Variants in PCCA observed in about 807,000 individuals in gnomAD.
The protein encoded by PCCA is propionyl-CoA carboxylase alpha chain, mitochondrial.
Under a neutral mutation model 101.3 loss-of-function variants are expected in PCCA, and 74 were observed. The observed-to-expected ratio is 0.73, with a 90% CI of 0.61 to 0.89. The LOEUF (loss-of-function observed/expected upper bound fraction) is 0.89. Among genes scored for constraint, PCCA ranks in the 40% least tolerant of loss-of-function variants. The pLI, the probability that PCCA is intolerant of heterozygous loss-of-function variation, is 0.00. For missense variants in PCCA, 891 were observed against 907.0 expected, an observed-to-expected ratio of 0.98 and a Z score of 0.23; for synonymous variants, 294 against 313.6, an observed-to-expected ratio of 0.94 and a Z score of 0.66.
intron 18 of PCCA, among the ~76,000 whole-genome samples, chr13:100,356,967 A>C (rs2074020486): frequency 6.6e-6 from 1 of 152,244 alleles, no homozygotes; most frequent in African/African-American, 2.4e-5. Context: ...ATTCAGTCAA[A>C]GTAGATCACA....
At chr13:100,130,368 C>G (rs2050381433) in intron 4 of PCCA, among the ~76,000 whole-genome samples, 1 of 152,182 alleles carries the variant, frequency 6.6e-6, no homozygotes, top group African/African-American at 2.4e-5. Context: ...CTGGAGATGG[C>G]AGTGGTGGAT....
rs542209380 is a variant in PCCA at position 100,414,449 on chromosome 13, C to T, written c.1747-11184C>T. Among the ~76,000 whole-genome samples the T allele has an allele frequency of 3.2e-4, 49 of 152,238 alleles. 1 individual carries two copies. Among genetic ancestry groups the T allele is most frequent in the South Asian group, 1.5e-3 (7 of 4,818 alleles). ...TTTTGTGTTATGTTAAGGTTTAAAA[C>T]TGTGTTACAGTTTATACTAAAACAT... On this transcript the variant is annotated intron_variant, in intron 19 of 23. Coordinates refer to ENST00000376285, the MANE Select transcript of PCCA (RefSeq NM_000282.4).
rs546216993 is a variant in PCCA at position 100,128,610 on chromosome 13, G to A, written c.300+16549G>A. Among the ~76,000 whole-genome samples the A allele has an allele frequency of 2.1e-4, 32 of 152,232 alleles. No homozygotes were observed. The South Asian group carries it at 3.7e-3, about 18-fold the overall frequency. ...CAGCTAGGCAGACAAGACCGCGTGCGCAAAGGCTCTGAGTCACCCCAGTCT... is the reference window on the plus strand; with the variant it reads ...CAGCTAGGCAGACAAGACCGCGTGCACAAAGGCTCTGAGTCACCCCAGTCT... On this transcript the variant is annotated intron_variant, in intron 4 of 23. Transcript: ENST00000376285.
At chr13:100,416,371 A>C (rs1394186709) in intron 19 of PCCA, among the ~76,000 whole-genome samples, 5 of 151,726 alleles carry the variant, frequency 3.3e-5, no homozygotes, top group African/African-American at 1.2e-4. Flanking sequence ...TAGTAGAGAG[A>C]AAGTTTCACC....
intron 18 of PCCA, among the ~76,000 whole-genome samples, chr13:100,360,479 T>C (rs1264559561): frequency 6.6e-6 from 1 of 152,166 alleles, no homozygotes; most frequent in Non-Finnish European, 1.5e-5. Flanking sequence ...ATCTAAAACA[T>C]GTGAGTATAT....
At chr13:100,474,448 C>G (rs1022613521) in intron 21 of PCCA, among the ~76,000 whole-genome samples, 25 of 123,404 alleles carry the variant, frequency 2.0e-4, no homozygotes, top group African/African-American at 4.5e-4. Context: ...GTTTCTCTCT[C>G]TCTCTCTCTC....
chr13:100,190,641 C>G (rs1394887193), intron 6 of PCCA, among the ~76,000 whole-genome samples: 2 of 152,096 alleles, frequency 1.3e-5, no homozygotes, highest in African/African-American at 4.8e-5. Flanking sequence ...TGCTATTGCA[C>G]TCCAGCCTGG....
intron 6 of PCCA, among the ~76,000 whole-genome samples, chr13:100,180,012 G>C (rs1046315847): frequency 5.9e-5 from 9 of 152,050 alleles, no homozygotes; most frequent in Admixed American, 1.3e-4. Context: ...ACAAGATGAG[G>C]TTGAAAGGGT....
intron 14 of PCCA, chr13:100,305,864 A>T (rs938331041): frequency 2.3e-5 from 10 of 425,658 alleles, no homozygotes; most frequent in Admixed American, 3.1e-5. Flanking sequence ...TTTGTTTATA[A>T]TTAAGATTTT....
intron 7 of PCCA, among the ~76,000 whole-genome samples, chr13:100,233,503 G>T (rs1261607422): frequency 6.6e-6 from 1 of 152,094 alleles, no homozygotes; most frequent in Non-Finnish European, 1.5e-5. Flanking sequence ...ACAGTGTGAT[G>T]TCACTTAGTG....
At chr13:100,129,980 C>G (rs1423546030) in intron 4 of PCCA, among the ~76,000 whole-genome samples, 1 of 152,148 alleles carries the variant, frequency 6.6e-6, no homozygotes, top group African/African-American at 2.4e-5. Flanking sequence ...GTTTTCCTTT[C>G]TGGGTTTTAT....
rs186576970 is a variant in PCCA at position 100,239,731 on chromosome 13, T to C, written c.637+3853T>C. ...AATTGATTCTTGAAAGGAAAATAAATTGTGAATCTAAAACCTGTCCTTTAA... is the reference window on the plus strand; with the variant it reads ...AATTGATTCTTGAAAGGAAAATAAACTGTGAATCTAAAACCTGTCCTTTAA... On this transcript the variant is annotated intron_variant, in intron 8 of 23. Coordinates refer to ENST00000376285, the MANE Select transcript of PCCA (RefSeq NM_000282.4). 5.8e-3 allele frequency among the ~76,000 whole-genome samples: 886 copies of C among 152,288 alleles called. 6 individuals are homozygous for C. The highest frequency in any genetic ancestry group is 0.011 in the Non-Finnish European group (724 of 67,994).
intron 21 of PCCA, among the ~76,000 whole-genome samples, chr13:100,504,957 T>G (rs531450399): frequency 6.6e-6 from 1 of 152,168 alleles, no homozygotes; most frequent in Non-Finnish European, 1.5e-5. Flanking sequence ...ATTCACTTAC[T>G]TTCCACAGAA....
At chr13:100,241,375 CA>C (rs1850889545) in intron 8 of PCCA, among the ~76,000 whole-genome samples, 1 of 152,182 alleles carries the variant, frequency 6.6e-6, no homozygotes, top group Non-Finnish European at 1.5e-5. Flanking sequence ...TGGTTTCTTT[CA>C]CACAGAATAG....
chr13:100,483,469 G>A (rs2084118121), intron 21 of PCCA, among the ~76,000 whole-genome samples: 1 of 152,210 alleles, frequency 6.6e-6, no homozygotes, highest in Non-Finnish European at 1.5e-5. Context: ...GACCGTTTGT[G>A]CTGGCTCATT....
rs1251392546 is a variant in PCCA at position 100,200,622 on chromosome 13, GTTATC to G, written c.469-8706_469-8702del. Among the ~76,000 whole-genome samples, 11 of 150,116 alleles carry G rather than the reference GTTATC, an allele frequency of 7.3e-5. No individual in the cohort carries two copies. In the East Asian group the frequency reaches 1.6e-3, roughly 21 times the overall value. ...ATGTATATTGCTTATAATACAATAT[GTTATC>G]TTAACTATATTATATTAATAAAATA... is the stretch of plus-strand genomic sequence containing the variant. On this transcript the variant is annotated intron_variant, in intron 6 of 23. Transcript: ENST00000376285.
chr13:100,397,970 A>G (rs1050446303), intron 19 of PCCA, among the ~76,000 whole-genome samples: 1 of 152,244 alleles, frequency 6.6e-6, no homozygotes, highest in African/African-American at 2.4e-5. Flanking sequence ...GAGAACTGGC[A>G]TAAGTCTCTT....
intron 20 of PCCA, among the ~76,000 whole-genome samples, chr13:100,428,326 C>A (rs1252892969): frequency 1.5e-5 from 2 of 129,060 alleles, no homozygotes; most frequent in Non-Finnish European, 3.2e-5. Flanking sequence ...CCTCCCCGAC[C>A]CCCCCTACCC....
intron 19 of PCCA, among the ~76,000 whole-genome samples, chr13:100,406,034 G>A (rs1452072123): frequency 4.6e-5 from 7 of 151,986 alleles, no homozygotes; most frequent in Non-Finnish European, 1.0e-4. Flanking sequence ...CAAAGTGCTG[G>A]GATTACAGGC....
Sources: gnomAD v4.1 joint callset for allele counts (sites outside exome capture counted in the v4.1 genomes callset) on GRCh38, gnomAD v4.1.1 for gene constraint, MANE v1.5 for transcripts, NCBI Gene and HGNC (gene_info 2026-07-23, HGNC 2026-07-21) for gene names.